SMIM13: variants seen among roughly 807,000 people sequenced by gnomAD.
The protein encoded by SMIM13 is small integral membrane protein 13.
SMIM13 carries 3 observed loss-of-function variants against 5.9 expected under a neutral mutation model. The ratio of observed to expected loss-of-function variants is 0.51; its 90% CI spans 0.23 to 1.31. The LOEUF is 1.31. Ranked by LOEUF, SMIM13 falls within the 40% of genes most tolerant of loss-of-function variation. The pLI is 0.18. For missense variants in SMIM13, 85 were observed against 109.9 expected (o/e 0.77, Z 1.01); for synonymous variants, 55 against 46.0 (o/e 1.19, Z -0.79).
At chr6:11,111,226 G>A (rs1348842146) in intron 1 of SMIM13, among the ~76,000 whole-genome samples, 1 of 152,154 alleles carries the variant, frequency 6.6e-6, no homozygotes, top group African/African-American at 2.4e-5. Context: ...AAAGTTGCAG[G>A]GCATGCAAAG....
intron 1 of SMIM13, among the ~76,000 whole-genome samples, chr6:11,095,653 T>G (rs1001902937): frequency 6.6e-6 from 1 of 152,196 alleles, no homozygotes; most frequent in Non-Finnish European, 1.5e-5. Context: ...CATCCGGCCT[T>G]GTATGTATGT....
chr6:11,130,848 A>G (rs959903170), intron 1 of SMIM13, among the ~76,000 whole-genome samples: 3 of 152,156 alleles, frequency 2.0e-5, no homozygotes, highest in African/African-American at 7.2e-5. Context: ...ACTTTATGGC[A>G]GGAACCCCAC....
chr6:11,130,005 T>C (rs1758430773), intron 1 of SMIM13, among the ~76,000 whole-genome samples: 1 of 152,132 alleles, frequency 6.6e-6, no homozygotes, highest in South Asian at 2.1e-4. Flanking sequence ...TGAACACTCT[T>C]TGATAAACAG....
intron 1 of SMIM13, among the ~76,000 whole-genome samples, chr6:11,123,455 A>G (rs1278238287): frequency 1.3e-5 from 2 of 152,186 alleles, no homozygotes; most frequent in African/African-American, 4.8e-5. Context: ...GAGATGAACT[A>G]TGTGTGTGAC....
At chr6:11,108,617 G>T (rs1226872314) in intron 1 of SMIM13, among the ~76,000 whole-genome samples, 1 of 152,172 alleles carries the variant, frequency 6.6e-6, no homozygotes, top group Non-Finnish European at 1.5e-5. Context: ...TGGCTGGCAG[G>T]TTTGCAGGGC....
chr6:11,126,119 G>A lies in SMIM13; in HGVS notation c.77-8284G>A, dbSNP rs1019260703. ...GGCTGGAGTGCAGTGGCACCATCTC[G>A]GCTCACCACAACCTCCGCCTCCCGG... On this transcript the variant is annotated intron_variant, in intron 1 of 1. Transcript: ENST00000416247. Among the ~76,000 whole-genome samples, 3 of 151,984 alleles carry A rather than the reference G, an allele frequency of 2.0e-5. No individual in the cohort carries two copies. In the South Asian group the frequency reaches 6.2e-4, roughly 32 times the overall value.
intron 1 of SMIM13, among the ~76,000 whole-genome samples, chr6:11,117,835 C>T (rs533711393): frequency 3.0e-4 from 45 of 151,994 alleles, no homozygotes; most frequent in Non-Finnish European, 5.2e-4. Context: ...CTGCGACCTC[C>T]GCCTCCCGGA....
At position 11,114,592 on chromosome 6, in the gene SMIM13, C is replaced by CTTTTTTTTT. The variant is rs58585640; in HGVS notation, c.77-19795_77-19787dup. 7.5e-3 allele frequency among the ~76,000 whole-genome samples: 163 copies of CTTTTTTTTT among 21,860 alleles called. 18 individuals carry two copies. Among genetic ancestry groups the CTTTTTTTTT allele is most frequent in the African/African-American group, 8.5e-3 (41 of 4,806 alleles). The allele number at this position is 21,860 out of a possible 152,430, so 14.3% of individuals were successfully genotyped here. A position where few individuals can be genotyped will look rare whatever the true frequency, so the allele number is the denominator to read the frequency against. Reference sequence around the variant, plus strand: ...ATTGAGATGGTCATGCACTTTTTCTCTTTTTTTTTTTTTTTTTTTTTTTTG... The same window carrying CTTTTTTTTT: ...ATTGAGATGGTCATGCACTTTTTCTCTTTTTTTTTTTTTTTTTTTTTTTTTTTTTTTTTG... On this transcript the variant is annotated intron_variant, in intron 1 of 1. Transcript: ENST00000416247.
At chr6:11,103,690 C>G (rs1384422409) in intron 1 of SMIM13, 1 of 1,547,600 alleles carries the variant, frequency 6.5e-7, no homozygotes. Context: ...TCTAGGGGTC[C>G]TCCTTAGAAG....
Position 11,137,747 on chromosome 6 carries a change from A to G in SMIM13, c.*3145A>G, listed in dbSNP as rs1000392705. 5 of 152,264 alleles carry G rather than the reference A, an allele frequency of 3.3e-5. No individual in the cohort carries two copies. The highest frequency in any genetic ancestry group is 1.3e-4 in the Admixed American group (2 of 15,290). 9.4% of individuals were successfully genotyped at this position (152,264 alleles called of 1,614,324 possible). A position where few individuals can be genotyped will look rare whatever the true frequency, so the allele number is the denominator to read the frequency against. ...TTGCTCTGATTTAAATGCCAAAAACACTAAATATTTGTGTAGTGCTGTTAA... is the reference window on the plus strand; with the variant it reads ...TTGCTCTGATTTAAATGCCAAAAACGCTAAATATTTGTGTAGTGCTGTTAA... On this transcript the variant is annotated 3_prime_UTR_variant, in exon 2 of 2. Transcript: ENST00000416247.
intron 1 of SMIM13, among the ~76,000 whole-genome samples, chr6:11,105,884 A>G (rs1023895063): frequency 1.3e-5 from 2 of 152,180 alleles, no homozygotes; most frequent in African/African-American, 2.4e-5. Context: ...GAATATAGGA[A>G]TGGCCTACCA....
At chr6:11,104,285 A>T in intron 1 of SMIM13, 2 of 1,551,726 alleles carry the variant, frequency 1.3e-6, no homozygotes, top group Non-Finnish European at 1.7e-6. Context: ...GCAACGGGGA[A>T]TTCCCATAGA....
intron 1 of SMIM13, among the ~76,000 whole-genome samples, chr6:11,124,633 A>G (rs1758352664): frequency 1.3e-5 from 2 of 152,160 alleles, no homozygotes; most frequent in South Asian, 2.1e-4. Flanking sequence ...TGTTTCCACC[A>G]GCACTGTACA....
chr6:11,126,835 T>C (rs1286212493), intron 1 of SMIM13, among the ~76,000 whole-genome samples: 1 of 152,202 alleles, frequency 6.6e-6, no homozygotes, highest in Non-Finnish European at 1.5e-5. Flanking sequence ...ACTGTAGCCA[T>C]GTTTGCATTG....
chr6:11,118,434 G>A (rs1758268841), intron 1 of SMIM13, among the ~76,000 whole-genome samples: 1 of 152,172 alleles, frequency 6.6e-6, no homozygotes, highest in African/African-American at 2.4e-5. Context: ...GGTTGGGACA[G>A]GGAGAATAAT....
chr6:11,125,837 A>G (rs147619727), intron 1 of SMIM13, among the ~76,000 whole-genome samples: 127 of 152,208 alleles, frequency 8.3e-4, no homozygotes, highest in African/African-American at 3.0e-3. Flanking sequence ...TTGGTGTTCT[A>G]TAACTTTCTT....
At chr6:11,123,224 T>C (rs1385790748) in intron 1 of SMIM13, among the ~76,000 whole-genome samples, 3 of 152,064 alleles carry the variant, frequency 2.0e-5, no homozygotes, top group Non-Finnish European at 4.4e-5. Flanking sequence ...GAGAGAAGCG[T>C]AGAGGAAAAT....
intron 1 of SMIM13, among the ~76,000 whole-genome samples, chr6:11,114,892 G>C (rs550922248): frequency 3.3e-5 from 5 of 152,000 alleles, no homozygotes; most frequent in Non-Finnish European, 7.4e-5. Flanking sequence ...GAGCCACCAC[G>C]CCCGGCTGTA....
chr6:11,111,944 T>C (rs899390371), intron 1 of SMIM13, among the ~76,000 whole-genome samples: 4 of 152,112 alleles, frequency 2.6e-5, no homozygotes, highest in Non-Finnish European at 5.9e-5. Context: ...GAAGGTCACA[T>C]ACTGGTTAAA....
Sources: allele counts gnomAD v4.1 joint callset (sites outside exome capture counted in the v4.1 genomes callset), GRCh38; gene constraint gnomAD v4.1.1; transcripts MANE v1.5; gene names NCBI Gene and HGNC (gene_info 2026-07-23, HGNC 2026-07-21).